Variants in ADCY5 observed in about 807,000 individuals in gnomAD.
ADCY5 encodes adenylate cyclase 5, also known as adenylate cyclase type 5.
Under a neutral mutation model 119.7 loss-of-function variants are expected in ADCY5, and 30 were observed. That is an observed-to-expected ratio of 0.25 (90% confidence interval 0.19 to 0.34). The LOEUF (loss-of-function observed/expected upper bound fraction) is 0.34. ADCY5 is among the 10% of genes least tolerant of loss of function. ADCY5 has a pLI of 1.00. For synonymous variants in ADCY5, 753 were observed against 762.2 expected (o/e 0.99, Z 0.20); for missense variants, 1,324 against 1,775.2 (o/e 0.75, Z 4.57).
At chr3:123,382,707 A>G (rs1158729845) in intron 1 of ADCY5, among the ~76,000 whole-genome samples, 1 of 152,224 alleles carries the variant, frequency 6.6e-6, no homozygotes, top group Middle Eastern at 3.2e-3. Flanking sequence ...CGGACTAGTC[A>G]AAATCATAGA....
At chr3:123,314,429 C>T (rs1940782812) in intron 11 of ADCY5, 107 bp from the exon 12 acceptor site, 2 of 820,180 alleles carry the variant, frequency 2.4e-6, no homozygotes, top group African/African-American at 1.7e-5. Context: ...TGCCCATCCT[C>T]ACAGCTTCAG....
rs111428302 is a variant in ADCY5 at position 123,346,651 on chromosome 3, G to A, written c.1406+1131C>T. ...TCTCTCTCTCTCTCTCTGTGTGTAT[G>A]TGTGTGTGTGTGTGAGAGAGAGAGA... On this transcript the variant is annotated intron_variant, in intron 3 of 20. Transcript: ENST00000462833. Among the ~76,000 whole-genome samples, 132 of 82,572 alleles carry A rather than the reference G, an allele frequency of 1.6e-3. 1 individual carries two copies. The highest frequency in any genetic ancestry group is 5.2e-3 in the African/African-American group (116 of 22,316). The allele number at this position is 82,572 out of a possible 152,430, so 54.2% of individuals were successfully genotyped here. A position where few individuals can be genotyped will look rare whatever the true frequency, so the allele number is the denominator to read the frequency against.
chr3:123,319,745 T>C lies in ADCY5; in HGVS notation c.2185A>G (p.Ile729Val). ...ACGTGCTCAGACCGAAGCCTATCAA[T>C]GCTCCTGGCGTCAATGGCACGGCCC... ...FLGRAIDARS[I>V]DRLRSEHVRK... Residue 729 changes from isoleucine to valine, a missense_variant, in exon 10 of 21, where the codon ATT (isoleucine) becomes GTT (valine). Physicochemically the swap from Ile to Val is conservative, Grantham distance 29. This residue lies in a region of ADCY5 where 424 missense variants were observed against 546.8 expected (regional missense o/e 0.78). Coordinates refer to ENST00000462833, the MANE Select transcript of ADCY5 (RefSeq NM_183357.3). 9 of 1,614,254 alleles carry C rather than the reference T, an allele frequency of 5.6e-6. No homozygotes were observed. The highest frequency in any genetic ancestry group is 6.8e-6 in the Non-Finnish European group (8 of 1,180,026).
At chr3:123,359,057 A>G (rs371655605) in intron 1 of ADCY5, among the ~76,000 whole-genome samples, 1 of 152,058 alleles carries the variant, frequency 6.6e-6, no homozygotes, top group South Asian at 2.1e-4. Context: ...TTTGGAGTAG[A>G]AGGAAATGAG....
intron 1 of ADCY5, among the ~76,000 whole-genome samples, chr3:123,360,265 A>C (rs1943201093): frequency 6.6e-6 from 1 of 152,034 alleles, no homozygotes; most frequent in South Asian, 2.1e-4. Flanking sequence ...GCTCTGGACA[A>C]ACACCATCAA....
intron 1 of ADCY5, among the ~76,000 whole-genome samples, chr3:123,415,642 G>A (rs981018771): frequency 1.3e-5 from 2 of 152,214 alleles, no homozygotes; most frequent in Non-Finnish European, 2.9e-5. Flanking sequence ...TCCAACCAGA[G>A]AGAAGGCAGT....
At chr3:123,314,488 T>G (rs1940788217) in intron 11 of ADCY5, among the ~76,000 whole-genome samples, 166 bp from the exon 12 acceptor site, 1 of 152,124 alleles carries the variant, frequency 6.6e-6, no homozygotes, top group South Asian at 2.1e-4. Flanking sequence ...TTGCTCCACC[T>G]CCCCTAATCC....
At chr3:123,336,365 C>T (rs977830281) in intron 3 of ADCY5, among the ~76,000 whole-genome samples, 77 of 152,250 alleles carry the variant, frequency 5.1e-4, no homozygotes, top group Non-Finnish European at 9.4e-4. Flanking sequence ...AAGCTGGGGT[C>T]CAGACTGGCT....
intron 1 of ADCY5, among the ~76,000 whole-genome samples, chr3:123,440,567 C>A (rs9289221): frequency 0.015 from 2,300 of 152,018 alleles, 55 homozygotes; most frequent in African/African-American, 0.053. Context: ...TCTCCTCTTC[C>A]TTTCTTTAAG....
chr3:123,432,060 G>A (rs147946520), intron 1 of ADCY5, among the ~76,000 whole-genome samples: 105 of 152,214 alleles, frequency 6.9e-4, no homozygotes, highest in African/African-American at 2.3e-3. Flanking sequence ...AAGCTCTGAC[G>A]GACTCATTGA....
Position 123,303,163 on chromosome 3 carries a change from G to A in ADCY5, c.2616C>T (p.Ser872=), listed in dbSNP as rs766902305. Residue 872 remains serine (S), a synonymous_variant, in exon 14 of 21, where the codon AGC becomes AGT. Transcript: ENST00000462833. ...LGCLAQEHNI[S]ASQVNACHVA... is the part of the protein sequence containing the mutation. ...CGTGACACGCGTTGACCTGGCTCGCGCTGATGTTGTGCTCCTGTGCCAAGC... is the reference window on the plus strand; with the variant it reads ...CGTGACACGCGTTGACCTGGCTCGCACTGATGTTGTGCTCCTGTGCCAAGC... 38 of 1,613,768 alleles carry A rather than the reference G, an allele frequency of 2.4e-5. 1 individual carries two copies. The South Asian group carries it at 3.5e-4, about 15-fold the overall frequency.
intron 1 of ADCY5, among the ~76,000 whole-genome samples, chr3:123,373,477 G>A (rs1943705282): frequency 6.6e-6 from 1 of 152,158 alleles, no homozygotes; most frequent in Non-Finnish European, 1.5e-5. Context: ...GAACTGGAAG[G>A]ATGAAGGCCA....
chr3:123,394,009 T>A (rs527645892), intron 1 of ADCY5, among the ~76,000 whole-genome samples: 2 of 152,172 alleles, frequency 1.3e-5, no homozygotes, highest in South Asian at 4.2e-4. Flanking sequence ...GGCGTGGTGA[T>A]GGGCACCTGT....
chr3:123,373,816 G>A (rs1277595243), intron 1 of ADCY5, among the ~76,000 whole-genome samples: 1 of 138,300 alleles, frequency 7.2e-6, no homozygotes, highest in Non-Finnish European at 1.5e-5. Context: ...CGAAGCATAG[G>A]CTCTGGGCTG....
At chr3:123,285,053 G>C (rs576211787) in intron 20 of ADCY5, among the ~76,000 whole-genome samples, 1 of 152,344 alleles carries the variant, frequency 6.6e-6, no homozygotes, top group Non-Finnish European at 1.5e-5. Context: ...AATAAGTTCA[G>C]GAGTGGACAG....
At chr3:123,322,110 G>A (rs940335763) in intron 8 of ADCY5, among the ~76,000 whole-genome samples, 9 of 152,298 alleles carry the variant, frequency 5.9e-5, no homozygotes, top group Admixed American at 2.6e-4. Context: ...GGGCAGGCCC[G>A]TGCCTGATGC....
At chr3:123,408,700 G>A (rs1944969138) in intron 1 of ADCY5, among the ~76,000 whole-genome samples, 1 of 150,606 alleles carries the variant, frequency 6.6e-6, no homozygotes, top group Non-Finnish European at 1.5e-5. Context: ...TACTCGGCCG[G>A]GCATGGTGGC....
At chr3:123,372,842 G>C (rs988585962) in intron 1 of ADCY5, among the ~76,000 whole-genome samples, 5 of 152,164 alleles carry the variant, frequency 3.3e-5, no homozygotes, top group African/African-American at 1.2e-4. Context: ...AATCAGCATT[G>C]GCAAGTCTGA....
At chr3:123,346,607 T>TTTCTCTCTCTCTCTCTC (rs1553731594) in intron 3 of ADCY5, among the ~76,000 whole-genome samples, 2 of 128,066 alleles carry the variant, frequency 1.6e-5, no homozygotes, top group Non-Finnish European at 3.6e-5. Context: ...CAGCCTCACC[T>TTTCTCTCTCTCTCTCTC]TCTCTCTCTC....
Sources: allele counts gnomAD v4.1 joint callset (sites outside exome capture counted in the v4.1 genomes callset), GRCh38; gene constraint gnomAD v4.1.1; regional missense constraint gnomAD v4.1.1; transcripts MANE v1.5; gene names NCBI Gene and HGNC (gene_info 2026-07-23, HGNC 2026-07-21).